Variants in ZNF540 observed in about 807,000 individuals in gnomAD.
The protein encoded by ZNF540 is zinc finger protein 540.
ZNF540 carries 3 observed loss-of-function variants against 11.8 expected under a neutral mutation model. That is an observed-to-expected ratio of 0.25 (90% confidence interval 0.12 to 0.65). The LOEUF (loss-of-function observed/expected upper bound fraction) is 0.65. Among genes scored for constraint, ZNF540 ranks in the 30% least tolerant of loss-of-function variants. ZNF540 has a pLI of 0.83. For synonymous variants in ZNF540, 247 were observed against 259.0 expected (o/e 0.95, Z 0.45); for missense variants, 709 against 793.1 (o/e 0.89, Z 1.27).
At position 37,567,154 on chromosome 19, in the gene ZNF540, C is replaced by T. The variant is rs78942320; in HGVS notation, c.-73+15489C>T. Reference sequence around the variant, plus strand: ...TCAAAACATCCAACACATAATTGTACCTATATTGCATTTTTCACTAATGGA... The same window carrying T: ...TCAAAACATCCAACACATAATTGTATCTATATTGCATTTTTCACTAATGGA... On this transcript the variant is annotated intron_variant, in intron 1 of 4. Coordinates refer to the ZNF540 transcript ENST00000592533. 6.7e-3 allele frequency among the ~76,000 whole-genome samples: 1,026 copies of T among 152,248 alleles called. 32 individuals carry two copies. Among genetic ancestry groups the T allele is most frequent in the East Asian group, 0.051 (263 of 5,168 alleles).
intron 4 of ZNF540, 145 bp from the exon 5 acceptor site, chr19:37,611,368 T>G: frequency 1.6e-6 from 1 of 632,246 alleles, no homozygotes; most frequent in Non-Finnish European, 2.6e-6. Flanking sequence ...TAATTTCAAA[T>G]TATATAACTT....
At chr19:37,571,148 G>A (rs1962903093) in intron 1 of ZNF540, among the ~76,000 whole-genome samples, 1 of 152,100 alleles carries the variant, frequency 6.6e-6, no homozygotes, top group South Asian at 2.1e-4. Context: ...AAGTTTTATA[G>A]GAGCCCTAAT....
chr19:37,591,555 T>C (rs998482712), upstream of ZNF540, among the ~76,000 whole-genome samples: 4 of 152,206 alleles, frequency 2.6e-5, no homozygotes, highest in Non-Finnish European at 5.9e-5. Flanking sequence ...CTGTATTTAT[T>C]TATCTTGAGA....
rs761171222 is a variant in ZNF540, at chr19:37,612,162, T to C, written c.882T>C (p.Thr294=). The change falls in exon 5 of 5, where the codon ACT becomes ACC. Residue 294 remains threonine, a synonymous_variant. Coordinates refer to ENST00000316433, the MANE Select transcript of ZNF540 (RefSeq NM_001172225.3). ...TTACTCAACATAAAAGAATTCATAC[T>C]GGTAAGAAATCTTATGAATGTAAAG... ...LELTQHKRIH[T]GKKSYECKEC... 1 of 1,611,324 alleles carries C rather than the reference T, an allele frequency of 6.2e-7. No individual in the cohort carries two copies. Among genetic ancestry groups the C allele is most frequent in the Non-Finnish European group, 8.5e-7 (1 of 1,179,496 alleles).
chr19:37,614,134 A>G lies in ZNF540; in HGVS notation c.*871A>G, dbSNP rs2044153624. ...CGATATTTTGTTATGCAGCCCAGAT[A>G]ACTAAGGCACTCCATTAGAATATAA... On this transcript the variant is annotated 3_prime_UTR_variant, in exon 5 of 5. Coordinates refer to ENST00000316433, the MANE Select transcript of ZNF540 (RefSeq NM_001172225.3). The G allele has an allele frequency of 5.8e-6, 2 of 347,086 alleles. No individual in the cohort carries two copies. The highest frequency in any genetic ancestry group is 8.6e-5 in the East Asian group (2 of 23,298). The allele number at this position is 347,086 out of a possible 1,614,324, so 21.5% of individuals were successfully genotyped here.
At chr19:37,568,316 T>C (rs2042933515) in intron 1 of ZNF540, among the ~76,000 whole-genome samples, 1 of 105,332 alleles carries the variant, frequency 9.5e-6, no homozygotes, top group South Asian at 3.8e-4. Context: ...CAAAAGCAAC[T>C]ACCCCCCCCC....
intron 1 of ZNF540, chr19:37,585,623 C>CT (rs1233245143): frequency 6.6e-6 from 1 of 152,204 alleles, no homozygotes; most frequent in Non-Finnish European, 1.5e-5. Flanking sequence ...CACTAGTTCA[C>CT]TGCCTCCCCT....
At chr19:37,575,559 G>A (rs777192119) in intron 1 of ZNF540, 1 of 152,218 alleles carries the variant, frequency 6.6e-6, no homozygotes, top group Non-Finnish European at 1.5e-5. Context: ...TGCTTGAGAT[G>A]TGTCCCACTT....
At chr19:37,593,450 TC>T (rs1235103056), upstream of ZNF540, among the ~76,000 whole-genome samples, 2 of 152,184 alleles carry the variant, frequency 1.3e-5, no homozygotes, top group African/African-American at 4.8e-5. Flanking sequence ...ACGCCTGTAA[TC>T]CCAGCACTCT....
intron 2 of ZNF540, among the ~76,000 whole-genome samples, chr19:37,599,055 T>C (rs1370340817): frequency 6.6e-6 from 1 of 152,148 alleles, no homozygotes; most frequent in Non-Finnish European, 1.5e-5. Flanking sequence ...ACATAAATAT[T>C]AGTTAATTGT....
At chr19:37,554,644 T>A (rs771296038) in intron 1 of ZNF540, 25 of 152,216 alleles carry the variant, frequency 1.6e-4, no homozygotes, top group Non-Finnish European at 2.6e-4. Context: ...CCATTATTTT[T>A]AAATATTTTT....
intron 1 of ZNF540, among the ~76,000 whole-genome samples, chr19:37,578,576 C>A (rs952566445): frequency 3.0e-4 from 46 of 152,214 alleles, no homozygotes; most frequent in African/African-American, 1.1e-3. Flanking sequence ...GTGGAAGCCG[C>A]AGTCACAGTG....
chr19:37,576,042 T>TACACACAC (rs34837052), intron 1 of ZNF540, among the ~76,000 whole-genome samples: 1,839 of 148,926 alleles, frequency 0.012, 41 homozygotes, highest in East Asian at 0.051. Context: ...CATACATGCA[T>TACACACAC]ACACACACAC....
intron 1 of ZNF540, among the ~76,000 whole-genome samples, chr19:37,559,638 G>C (rs1412202884): frequency 1.3e-5 from 2 of 152,158 alleles, no homozygotes; most frequent in African/African-American, 2.4e-5. Context: ...TGACTTATCT[G>C]TTCAAGATAC....
intron 1 of ZNF540, among the ~76,000 whole-genome samples, chr19:37,552,448 A>T (rs2042615891): frequency 6.6e-6 from 1 of 152,204 alleles, no homozygotes; most frequent in South Asian, 2.1e-4. Flanking sequence ...TTAAAAGTTA[A>T]TGAGAGAACA....
chr19:37,581,865 CAGG>C lies in ZNF540; in HGVS notation c.-72-16508_-72-16506del, dbSNP rs111928610. Reference sequence around the variant, plus strand: ...AGTGGACAGGAGCTGCAGGGTGAACCAGGAGAATGGCAAAACTTCTCAAGAGGT... The same window carrying C: ...AGTGGACAGGAGCTGCAGGGTGAACCAGAATGGCAAAACTTCTCAAGAGGT... On this transcript the variant is annotated intron_variant, in intron 1 of 4. Coordinates refer to the ZNF540 transcript ENST00000592533. Among the ~76,000 whole-genome samples the C allele has an allele frequency of 8.1e-3, 1,220 of 151,026 alleles. 13 individuals carry two copies. The highest frequency in any genetic ancestry group is 0.028 in the African/African-American group (1,152 of 41,474).
chr19:37,613,637 T>G lies in ZNF540; in HGVS notation c.*374T>G. The G allele has an allele frequency of 2.5e-6, 1 of 396,936 alleles. No individual in the cohort carries two copies. The highest frequency in any genetic ancestry group is 4.4e-6 in the Non-Finnish European group (1 of 225,652). The allele number at this position is 396,936 out of a possible 1,614,324, so 24.6% of individuals were successfully genotyped here. On this transcript the variant is annotated 3_prime_UTR_variant, in exon 5 of 5. Transcript: ENST00000316433. ...GCAACAACTATCTGGCCCAAACTGC[T>G]TTGGATTAATATTGGATATTACTGT...
intron 1 of ZNF540, chr19:37,563,802 CACAT>C: frequency 1.2e-5 from 1 of 83,578 alleles, no homozygotes; most frequent in African/African-American, 3.1e-5. Context: ...TCCACATACA[CACAT>C]GTGGAATATA....
At position 37,598,419 on chromosome 19, in the gene ZNF540, G is replaced by C. The variant is rs1283336668; in HGVS notation, c.-29G>C. ...TCTCCAGCAGAATAATCCTGCGGAA[G>C]ACTGAGCAGTTCTTGTGAGTGTAAA... On this transcript the variant is annotated 5_prime_UTR_variant, in exon 2 of 5. Coordinates refer to ENST00000316433, the MANE Select transcript of ZNF540 (RefSeq NM_001172225.3). 5 of 1,613,378 alleles carry C rather than the reference G, an allele frequency of 3.1e-6. No individual in the cohort carries two copies. In the East Asian group the frequency reaches 8.9e-5, roughly 29 times the overall value.
Sources: allele counts gnomAD v4.1 joint callset (sites outside exome capture counted in the v4.1 genomes callset), GRCh38; gene constraint gnomAD v4.1.1; transcripts MANE v1.5; gene names NCBI Gene and HGNC (gene_info 2026-07-23, HGNC 2026-07-21).